Variants in PARD6G observed in about 807,000 individuals in gnomAD.
PARD6G encodes par-6 family cell polarity regulator gamma, also known as partitioning defective 6 homolog gamma.
A neutral mutation model predicts 10.7 loss-of-function variants in PARD6G; 7 were observed. That is an observed-to-expected ratio of 0.66 (90% CI 0.37 to 1.23). PARD6G has a LOEUF of 1.23. Among genes scored for constraint, PARD6G ranks in the 50% most tolerant of loss-of-function variants. PARD6G has a pLI of 0.02. For missense variants in PARD6G, 548 were observed against 571.8 expected (o/e 0.96, Z 0.42); for synonymous variants, 287 against 269.4 (o/e 1.07, Z -0.64).
intron 1 of PARD6G, among the ~76,000 whole-genome samples, chr18:80,243,974 T>C (rs1967516204): frequency 6.6e-6 from 1 of 152,136 alleles, no homozygotes; most frequent in Non-Finnish European, 1.5e-5. Context: ...TTCAAGCTCA[T>C]GCGGACGACA....
chr18:80,195,112 C>T (rs377642901), intron 2 of PARD6G, among the ~76,000 whole-genome samples: 1 of 152,174 alleles, frequency 6.6e-6, no homozygotes, highest in Non-Finnish European at 1.5e-5. Context: ...TGTGCCTCCA[C>T]GCTTGGCCTC....
At chr18:80,219,453 A>G (rs1332916202) in intron 1 of PARD6G, among the ~76,000 whole-genome samples, 1 of 152,074 alleles carries the variant, frequency 6.6e-6, no homozygotes, top group Non-Finnish European at 1.5e-5. Flanking sequence ...CAGGTGATCC[A>G]CCTGCCTCAG....
At chr18:80,216,729 A>G (rs1171623271) in intron 1 of PARD6G, among the ~76,000 whole-genome samples, 1 of 152,188 alleles carries the variant, frequency 6.6e-6, no homozygotes, top group Non-Finnish European at 1.5e-5. Context: ...TGCAAACTTA[A>G]TCTAAAGCAA....
In PARD6G at chr18:80,200,579, T is replaced by C. The variant is rs1966998950; in HGVS notation, c.295+2131A>G. ...AGTTCAGGTCTCCCTAGCTCCACAC[T>C]GTAACATGACAGAGGAAGGCAGGGG... On this transcript the variant is annotated intron_variant, in intron 2 of 2. Transcript: ENST00000353265. The surrounding 1 kb of genome is among the most constrained non-coding windows in gnomAD (Gnocchi z 4.4). Among the ~76,000 whole-genome samples, 1 of 152,094 alleles carries C rather than the reference T, an allele frequency of 6.6e-6. No individual in the cohort carries two copies. The highest frequency in any genetic ancestry group is 6.5e-5 in the Admixed American group (1 of 15,276).
Position 80,201,042 on chromosome 18 carries a change from T to G in PARD6G, c.295+1668A>C, listed in dbSNP as rs1280699459. 6.6e-6 allele frequency among the ~76,000 whole-genome samples: 1 copy of G among 152,186 alleles called. No individual in the cohort carries two copies. Among genetic ancestry groups the G allele is most frequent in the East Asian group, 1.9e-4 (1 of 5,190 alleles). ...GCTCACCCCACACCATGTGAGCAAA[T>G]GCTGTGACCTGGGATGGCAGGGGCA... On this transcript the variant is annotated intron_variant, in intron 2 of 2. Coordinates refer to ENST00000353265, the MANE Select transcript of PARD6G (RefSeq NM_032510.4). This position sits in a 1 kb window ranked among gnomAD's most constrained non-coding sequence, Gnocchi z 5.9.
chr18:80,239,805 G>A (rs943799023), intron 1 of PARD6G, among the ~76,000 whole-genome samples: 8 of 152,166 alleles, frequency 5.3e-5, no homozygotes, highest in East Asian at 1.9e-4. Context: ...GGGATGCCCC[G>A]GCAATGAGCC....
Position 80,160,305 on chromosome 18 carries a change from T to G in PARD6G, c.597A>C (p.Val199=), listed in dbSNP as rs531873604. 6.2e-7 allele frequency: 1 copy of G among 1,612,218 alleles called. No homozygotes were observed. Among genetic ancestry groups the G allele is most frequent in the East Asian group, 2.2e-5 (1 of 44,846 alleles). ...CGGTGCTCTCCGCCAGGCCCCCGGG[T>G]ACCATGCGCGAGATGAAGATGCCGG... ...KVPGIFISRM[V]PGGLAESTGL... Residue 199 remains valine, a synonymous_variant, in exon 3 of 3, where the codon GTA becomes GTC. Transcript: ENST00000353265.
rs2052849513 is a variant in PARD6G, at chr18:80,181,742, T to C, written c.295+20968A>G. Among the ~76,000 whole-genome samples, 1 of 152,136 alleles carries C rather than the reference T, an allele frequency of 6.6e-6. No individual in the cohort carries two copies. Among genetic ancestry groups the C allele is most frequent in the Non-Finnish European group, 1.5e-5 (1 of 68,012 alleles). ...CTGGCTGGAAGCTGCTTTCAGCTCCTGGCCTTCCTGATGGGCATCGGCTCC... is the reference window on the plus strand; with the variant it reads ...CTGGCTGGAAGCTGCTTTCAGCTCCCGGCCTTCCTGATGGGCATCGGCTCC... On this transcript the variant is annotated intron_variant, in intron 2 of 2. Coordinates refer to ENST00000353265, the MANE Select transcript of PARD6G (RefSeq NM_032510.4). This position sits in a 1 kb window ranked among gnomAD's most constrained non-coding sequence, Gnocchi z 7.9.
intron 1 of PARD6G, among the ~76,000 whole-genome samples, chr18:80,205,991 G>A (rs947121576): frequency 3.9e-5 from 6 of 152,184 alleles, no homozygotes; most frequent in Admixed American, 6.5e-5. Context: ...CCTCAGGAAC[G>A]CCAGGCCTCC....
At chr18:80,224,651 A>C (rs139852442) in intron 1 of PARD6G, among the ~76,000 whole-genome samples, 3 of 152,150 alleles carry the variant, frequency 2.0e-5, no homozygotes, top group Non-Finnish European at 2.9e-5. Flanking sequence ...TTCAAGACCA[A>C]CCTGGCTAAC....
Position 80,218,931 on chromosome 18 carries a change from G to A in PARD6G, c.73-15999C>T, listed in dbSNP as rs542538736. On this transcript the variant is annotated intron_variant, in intron 1 of 2. Coordinates refer to ENST00000353265, the MANE Select transcript of PARD6G (RefSeq NM_032510.4). ...ACTGCACCATCTGAAGCAACCACCT[G>A]AGCTGTATGTTGGCCCCTTTTAGCC... 8.5e-5 allele frequency among the ~76,000 whole-genome samples: 13 copies of A among 152,350 alleles called. No individual in the cohort carries two copies. In the South Asian group the frequency reaches 2.7e-3, roughly 32 times the overall value.
chr18:80,177,829 A>G (rs1408652242), intron 2 of PARD6G, among the ~76,000 whole-genome samples: 1 of 151,824 alleles, frequency 6.6e-6, no homozygotes, highest in Non-Finnish European at 1.5e-5. Flanking sequence ...AAACACACAC[A>G]GGAAAAATCG....
At chr18:80,174,777 AC>A (rs1485393391) in intron 2 of PARD6G, among the ~76,000 whole-genome samples, 1 of 151,954 alleles carries the variant, frequency 6.6e-6, no homozygotes, top group Admixed American at 6.6e-5. Context: ...ACACGGTGAA[AC>A]CCCGTCTCTA....
chr18:80,219,856 A>G (rs1414410766), intron 1 of PARD6G, among the ~76,000 whole-genome samples: 7 of 152,162 alleles, frequency 4.6e-5, no homozygotes. Context: ...TCAAGTCTCT[A>G]GAAAGTTCCA....
Position 80,189,900 on chromosome 18 carries a change from C to T in PARD6G, c.295+12810G>A, listed in dbSNP as rs1966883228. Among the ~76,000 whole-genome samples the T allele has an allele frequency of 6.6e-6, 1 of 152,182 alleles. No individual in the cohort carries two copies. The highest frequency in any genetic ancestry group is 1.5e-5 in the Non-Finnish European group (1 of 68,030). ...TACCATGTAGGATATGATTTATCTACCAAAGAGCTCATTCTCTTAAAGTGT... is the reference window on the plus strand; with the variant it reads ...TACCATGTAGGATATGATTTATCTATCAAAGAGCTCATTCTCTTAAAGTGT... On this transcript the variant is annotated intron_variant, in intron 2 of 2. Transcript: ENST00000353265. The surrounding 1 kb of genome is among the most constrained non-coding windows in gnomAD (Gnocchi z 5.5).
intron 1 of PARD6G, among the ~76,000 whole-genome samples, chr18:80,227,234 T>C (rs1470887698): frequency 6.6e-6 from 1 of 152,264 alleles, no homozygotes; most frequent in East Asian, 1.9e-4. Flanking sequence ...ATTGCTGGGA[T>C]GACAGGCATG....
intron 1 of PARD6G, among the ~76,000 whole-genome samples, chr18:80,212,831 GC>G (rs1281771666): frequency 6.6e-6 from 1 of 152,016 alleles, no homozygotes; most frequent in East Asian, 1.9e-4. Context: ...GTTGCAGTGA[GC>G]CGAGATTGTG....
chr18:80,198,972 C>A (rs1966983180), intron 2 of PARD6G, among the ~76,000 whole-genome samples: 2 of 152,176 alleles, frequency 1.3e-5, no homozygotes, highest in Admixed American at 6.5e-5. Context: ...ATCTCTAGTT[C>A]TAGAACATTT....
At chr18:80,242,749 A>G (rs1967504288) in intron 1 of PARD6G, among the ~76,000 whole-genome samples, 1 of 152,226 alleles carries the variant, frequency 6.6e-6, no homozygotes, top group Admixed American at 6.5e-5. Context: ...TCAGGACAAA[A>G]CCAGGCAGTT....
Sources: gnomAD v4.1 joint callset for allele counts (sites outside exome capture counted in the v4.1 genomes callset) on GRCh38, gnomAD v4.1.1 for gene constraint, Gnocchi (gnomAD v3.1) non-coding constraint, MANE v1.5 for transcripts, NCBI Gene and HGNC (gene_info 2026-07-23, HGNC 2026-07-21) for gene names.